PARP8: variants seen among roughly 807,000 people sequenced by gnomAD.
PARP8 encodes poly(ADP-ribose) polymerase family member 8, also known as protein mono-ADP-ribosyltransferase PARP8.
In PARP8, 51 loss-of-function variants were observed where a neutral mutation model predicts 124.1. The observed-to-expected ratio is 0.41, with a 90% CI of 0.33 to 0.52. The LOEUF is 0.52. Among genes scored for constraint, PARP8 ranks in the 20% least tolerant of loss-of-function variants. The probability of loss-of-function intolerance (pLI) is 0.21; values close to 1 mark genes in which losing one functional copy is unlikely to be tolerated. For synonymous variants in PARP8, 391 were observed against 361.5 expected, an observed-to-expected ratio of 1.08 and a Z score of -0.93; for missense variants, 860 against 1,018.9, an observed-to-expected ratio of 0.84 and a Z score of 2.12.
intron 2 of PARP8, among the ~76,000 whole-genome samples, chr5:50,684,910 G>C (rs7717073): frequency 6.6e-6 from 1 of 152,132 alleles, no homozygotes; most frequent in African/African-American, 2.4e-5. Flanking sequence ...TTCTGCTTCA[G>C]TTCTGTTTCG....
intron 1 of PARP8, 89 bp downstream of exon 1, chr5:50,667,275 G>A (rs1393721228): frequency 3.7e-6 from 5 of 1,340,836 alleles, no homozygotes; most frequent in Non-Finnish European, 4.2e-6. Context: ...TGGGGTGGAG[G>A]GTTGCACGTC....
chr5:50,832,660 G>C, intron 22 of PARP8, 121 bp from the exon 23 acceptor site: 2 of 908,942 alleles, frequency 2.2e-6, no homozygotes, highest in Non-Finnish European at 3.4e-6. Flanking sequence ...CTTTGTTACT[G>C]TCTCTAGCCT....
intron 24 of PARP8, 68 bp downstream of exon 24, chr5:50,834,116 A>G (rs374958314): frequency 3.4e-5 from 43 of 1,270,476 alleles, no homozygotes; most frequent in African/African-American, 1.8e-4. Flanking sequence ...AAATATAAGT[A>G]TATTTACAGA....
At chr5:50,797,305 A>C in intron 14 of PARP8, 72 bp downstream of exon 14, 1 of 1,111,252 alleles carries the variant, frequency 9.0e-7, no homozygotes, top group Non-Finnish European at 1.3e-6. Context: ...GAAATATAAA[A>C]ATAAGTAAAT....
At chr5:50,816,048 TAAAAG>T (rs1414999522) in intron 15 of PARP8, among the ~76,000 whole-genome samples, 4 of 150,826 alleles carry the variant, frequency 2.7e-5, no homozygotes, top group East Asian at 1.9e-4. Flanking sequence ...AGAAAAAAAA[TAAAAG>T]AAAACTCTAA....
At chr5:50,709,444 G>C (rs1484411556) in intron 2 of PARP8, among the ~76,000 whole-genome samples, 1 of 151,412 alleles carries the variant, frequency 6.6e-6, no homozygotes, top group Admixed American at 6.6e-5. Flanking sequence ...AGTTTCTTCT[G>C]TTCCTTTCAC....
At chr5:50,811,105 T>C (rs193106068) in intron 14 of PARP8, among the ~76,000 whole-genome samples, 1 of 152,206 alleles carries the variant, frequency 6.6e-6, no homozygotes, top group African/African-American at 2.4e-5. Flanking sequence ...ATCTGCCTTA[T>C]TCACTTGAGT....
chr5:50,835,620 T>C (rs1747494698), intron 25 of PARP8, among the ~76,000 whole-genome samples: 1 of 152,196 alleles, frequency 6.6e-6, no homozygotes, highest in Admixed American at 6.6e-5. Flanking sequence ...TACATGTGTT[T>C]ATACACCTCC....
At chr5:50,690,936 A>G (rs1261300080) in intron 2 of PARP8, among the ~76,000 whole-genome samples, 1 of 152,092 alleles carries the variant, frequency 6.6e-6, no homozygotes, top group African/African-American at 2.4e-5. Context: ...TTATTTCTCT[A>G]CCTTCTTCAA....
chr5:50,666,918 T>TCCA lies in PARP8; in HGVS notation c.-176_-175insACC. 38 of 1,260,102 alleles carry TCCA rather than the reference T, an allele frequency of 3.0e-5. No individual in the cohort carries two copies. Among genetic ancestry groups the TCCA allele is most frequent in the East Asian group, 2.0e-4 (5 of 25,298 alleles). 78.1% of individuals were successfully genotyped at this position (1,260,102 alleles called of 1,614,324 possible). ...GCCGACCTCCCCCTCCTCCTCCTCC[T>TCCA]CCCCCTCCTCCTCCTCCTCTTCTCT... On this transcript the variant is annotated 5_prime_UTR_variant, in exon 1 of 26. Coordinates refer to ENST00000281631, the MANE Select transcript of PARP8 (RefSeq NM_024615.4).
At chr5:50,723,103 C>G (rs1218454975) in intron 2 of PARP8, among the ~76,000 whole-genome samples, 1 of 152,050 alleles carries the variant, frequency 6.6e-6, no homozygotes, top group South Asian at 2.1e-4. Flanking sequence ...AATAGCTTTT[C>G]CTTTACATGC....
At chr5:50,831,258 A>G (rs531247971) in intron 22 of PARP8, among the ~76,000 whole-genome samples, 86 of 152,286 alleles carry the variant, frequency 5.6e-4, no homozygotes, top group South Asian at 2.1e-4. Flanking sequence ...TTAGGGCAAA[A>G]TAACAGCTTC....
At chr5:50,800,822 A>G (rs958395661) in intron 14 of PARP8, among the ~76,000 whole-genome samples, 3 of 151,108 alleles carry the variant, frequency 2.0e-5, no homozygotes, top group African/African-American at 7.3e-5. Flanking sequence ...AGTGGTGCAA[A>G]CATGGCTCAC....
At position 50,666,673 on chromosome 5, in the gene PARP8, C is replaced by G. The variant is rs1438566664; in HGVS notation, c.-423C>G. ...GCGTGCGAGCCGTGAGGGGTGTGCG[C>G]GCGTGAGCCGGAGCGGGGCTCGCCC... On this transcript the variant is annotated 5_prime_UTR_variant, in exon 1 of 26. Coordinates refer to ENST00000281631, the MANE Select transcript of PARP8 (RefSeq NM_024615.4). The G allele has an allele frequency of 5.8e-6, 1 of 172,376 alleles. No homozygotes were observed. The highest frequency in any genetic ancestry group is 1.4e-4 in the South Asian group (1 of 7,324). The allele number at this position is 172,376 out of a possible 1,614,324, so 10.7% of individuals were successfully genotyped here. A position where few individuals can be genotyped will look rare whatever the true frequency, so the allele number is the denominator to read the frequency against.
intron 2 of PARP8, among the ~76,000 whole-genome samples, chr5:50,730,545 C>T (rs1018131432): frequency 6.6e-6 from 1 of 152,164 alleles, no homozygotes; most frequent in African/African-American, 2.4e-5. Context: ...CCACCGGGTC[C>T]CTCCTATGAC....
chr5:50,836,010 A>G (rs1747541901), intron 25 of PARP8, among the ~76,000 whole-genome samples: 1 of 152,134 alleles, frequency 6.6e-6, no homozygotes, highest in Non-Finnish European at 1.5e-5. Flanking sequence ...GAAAAATGGA[A>G]CTGTTAAGGT....
chr5:50,736,976 T>C (rs1177235360), intron 2 of PARP8, among the ~76,000 whole-genome samples: 1 of 152,176 alleles, frequency 6.6e-6, no homozygotes, highest in Non-Finnish European at 1.5e-5. Flanking sequence ...ATAAGAAAGA[T>C]GGGATTTGAC....
At chr5:50,700,895 A>G (rs1753525764) in intron 2 of PARP8, among the ~76,000 whole-genome samples, 1 of 151,986 alleles carries the variant, frequency 6.6e-6, no homozygotes, top group Non-Finnish European at 1.5e-5. Flanking sequence ...GTCATACTTG[A>G]AGTAGTTAAT....
At chr5:50,815,884 T>G (rs534609799) in intron 15 of PARP8, among the ~76,000 whole-genome samples, 1 of 152,208 alleles carries the variant, frequency 6.6e-6, no homozygotes, top group African/African-American at 2.4e-5. Context: ...TTTTTAAAAC[T>G]TAGGTGAAAA....
Sources: gnomAD v4.1 joint callset for allele counts (sites outside exome capture counted in the v4.1 genomes callset) on GRCh38, gnomAD v4.1.1 for gene constraint, MANE v1.5 for transcripts, NCBI Gene and HGNC (gene_info 2026-07-23, HGNC 2026-07-21) for gene names.